The following ZNF235 variants were observed in gnomAD, a reference collection of about 807,000 sequenced individuals.
ZNF235 encodes zinc finger protein 235, also known as zfp-93.
In ZNF235, 25 loss-of-function variants were observed where a neutral mutation model predicts 29.4. The observed-to-expected ratio is 0.85, with a 90% confidence interval of 0.62 to 1.19. The LOEUF is 1.19. Among genes scored for constraint, ZNF235 ranks in the 50% most tolerant of loss-of-function variants. ZNF235 has a pLI of 0.00. For missense variants in ZNF235, 788 were observed against 885.0 expected (o/e 0.89, Z 1.39); for synonymous variants, 300 against 295.3 (o/e 1.02, Z -0.16).
At chr19:44,295,190 T>A (rs966997686) in intron 4 of ZNF235, among the ~76,000 whole-genome samples, 1 of 152,076 alleles carries the variant, frequency 6.6e-6, no homozygotes, top group African/African-American at 2.4e-5. Context: ...TACAAATCCC[T>A]AAAGACTCCT....
chr19:44,304,414 G>A (rs1975800221), intron 1 of ZNF235, among the ~76,000 whole-genome samples: 1 of 152,144 alleles, frequency 6.6e-6, no homozygotes, highest in Non-Finnish European at 1.5e-5. Flanking sequence ...CTAAACAAGA[G>A]GCTAGAAAAG....
In ZNF235 at chr19:44,287,390, G is replaced by A; in HGVS notation, c.2045C>T (p.Pro682Leu). The A allele has an allele frequency of 6.2e-7, 1 of 1,614,010 alleles. No individual in the cohort carries two copies. The highest frequency in any genetic ancestry group is 8.5e-7 in the Non-Finnish European group (1 of 1,179,992). ...CTTCCCACACTGCTGACACGTATAG[G>A]GTTTCTCTCCTGTGTGGACCCTCTG... ...AHQRVHTGEKPYTCQQCGKGF... is the reference protein window; with the variant it reads ...AHQRVHTGEKLYTCQQCGKGF... Residue 682 changes from proline (P) to leucine (L), a missense_variant, in exon 5 of 5, where the codon CCC (proline) becomes CTC (leucine). Pro to Leu is a moderately conservative substitution (Grantham distance 98). Transcript: ENST00000291182.
Position 44,287,769 on chromosome 19 carries a change from A to G in ZNF235, c.1666T>C (p.Leu556=), listed in dbSNP as rs1264073506. The part of the protein sequence containing the change: ...EVCGKRFNWS[L]NLHNHQRVHT... ...ACTCTCTGATGATTGTGAAGATTCA[A>G]GCTCCAATTGAAGCGCTTCCCACAC... is the stretch of plus-strand genomic sequence containing the variant. The change falls in exon 5 of 5, where the codon TTG becomes CTG. Residue 556 remains leucine (L), a synonymous_variant. Transcript: ENST00000291182. The G allele has an allele frequency of 1.9e-6, 3 of 1,613,922 alleles. No homozygotes were observed. The highest frequency in any genetic ancestry group is 2.5e-6 in the Non-Finnish European group (3 of 1,179,962).
rs1490798733 is a variant in ZNF235 at position 44,303,421 on chromosome 19, C to T, written c.-17G>A. On this transcript the variant is annotated 5_prime_UTR_variant, in exon 2 of 5. Coordinates refer to ENST00000291182, the MANE Select transcript of ZNF235 (RefSeq NM_004234.4). The stretch of plus-strand genomic sequence containing the variant: ...CTTGGTCATTTTTCCCCTCCTCCTT[C>T]TGGGAAAAGGCAGAGTTCCGGGGAA... 1 of 1,610,030 alleles carries T rather than the reference C, an allele frequency of 6.2e-7. No homozygotes were observed. The highest frequency in any genetic ancestry group is 1.3e-5 in the African/African-American group (1 of 74,722).
chr19:44,289,143 A>T lies in ZNF235; in HGVS notation c.292T>A (p.Phe98Ile). The part of the protein sequence containing the change: ...ATLHKAGLRC[F>I]SLGELSCWQI... ...CAGCATGAAAGCTCTCCCAGTGAAAAGCACCTTAATCCTGCTTTGTGAAGA... is the reference window on the plus strand; with the variant it reads ...CAGCATGAAAGCTCTCCCAGTGAAATGCACCTTAATCCTGCTTTGTGAAGA... Residue 98 changes from phenylalanine (F) to isoleucine (I), a missense_variant, in exon 5 of 5, where the codon TTT (phenylalanine) becomes ATT (isoleucine). Coordinates refer to ENST00000291182, the MANE Select transcript of ZNF235 (RefSeq NM_004234.4). 1 of 1,614,090 alleles carries T rather than the reference A, an allele frequency of 6.2e-7. No individual in the cohort carries two copies. Among genetic ancestry groups the T allele is most frequent in the Non-Finnish European group, 8.5e-7 (1 of 1,180,006 alleles).
chr19:44,295,348 C>CA (rs1243213892), intron 4 of ZNF235, among the ~76,000 whole-genome samples: 2 of 151,342 alleles, frequency 1.3e-5, no homozygotes, highest in African/African-American at 4.9e-5. Flanking sequence ...ATAGTATCTA[C>CA]AAAAAAATTA....
rs778429956 is a variant in ZNF235, at chr19:44,298,828, G to A, written c.218C>T (p.Thr73Ile). 1.2e-6 allele frequency: 2 copies of A among 1,613,866 alleles called. No homozygotes were observed. Among genetic ancestry groups the A allele is most frequent in the Non-Finnish European group, 1.7e-6 (2 of 1,179,758 alleles). The change falls in exon 4 of 5, where the codon ACC (threonine) becomes ATC (isoleucine). Residue 73 changes from threonine (T) to isoleucine (I), a missense_variant. Thr to Ile is a moderately conservative substitution (Grantham distance 89, BLOSUM62 -1). Transcript: ENST00000291182. ...EEKLWMKELQTQRGKHSGDRN... is the reference protein window; with the variant it reads ...EEKLWMKELQIQRGKHSGDRN... Reference sequence around the variant, plus strand: ...CTCACCTGAATGCTTACCTCTTTGGGTTTGAAGCTCCTTCATCCAAAGCTT... The same window carrying A: ...CTCACCTGAATGCTTACCTCTTTGGATTTGAAGCTCCTTCATCCAAAGCTT...
Position 44,287,705 on chromosome 19 carries a change from C to T in ZNF235, c.1730G>A (p.Gly577Asp). The change falls in exon 5 of 5, where the codon GGT (glycine) becomes GAT (aspartate). Residue 577 changes from glycine to aspartate, a missense_variant. Physicochemically the swap from Gly to Asp is moderately conservative, Grantham distance 94 (BLOSUM62 -1). Transcript: ENST00000291182. ...ATTTGAAGCCTGACTGAAACCCTTACCACACTCTTCACATTTGTAGGGTTT... is the reference window on the plus strand; with the variant it reads ...ATTTGAAGCCTGACTGAAACCCTTATCACACTCTTCACATTTGTAGGGTTT... ...GEKPYKCEEC[G>D]KGFSQASNLQ... is the part of the protein sequence containing the mutation. 3.7e-6 allele frequency: 6 copies of T among 1,614,138 alleles called. No homozygotes were observed. The highest frequency in any genetic ancestry group is 3.3e-4 in the Middle Eastern group (2 of 6,062).
At chr19:44,303,944 T>C (rs537470155) in intron 1 of ZNF235, among the ~76,000 whole-genome samples, 85 of 152,226 alleles carry the variant, frequency 5.6e-4, no homozygotes, top group Non-Finnish European at 1.1e-3. Flanking sequence ...AACTGCCCTT[T>C]TGAGTATGCT....
chr19:44,298,246 G>C (rs1319933921), intron 4 of ZNF235, among the ~76,000 whole-genome samples: 2 of 152,160 alleles, frequency 1.3e-5, no homozygotes, highest in South Asian at 4.1e-4. Flanking sequence ...GAGACAAAGG[G>C]AGGGGGAAAA....
At chr19:44,301,230 G>A (rs1366131880) in intron 2 of ZNF235, among the ~76,000 whole-genome samples, 1 of 152,040 alleles carries the variant, frequency 6.6e-6, no homozygotes, top group Non-Finnish European at 1.5e-5. Context: ...GTTTGTATAT[G>A]GTGTTTTTCT....
intron 4 of ZNF235, among the ~76,000 whole-genome samples, chr19:44,294,301 G>T (rs1021105549): frequency 2.6e-5 from 4 of 152,066 alleles, no homozygotes; most frequent in African/African-American, 9.7e-5. Flanking sequence ...AAATTCTAGA[G>T]AAAATGAATT....
intron 2 of ZNF235, among the ~76,000 whole-genome samples, chr19:44,303,016 T>TTA (rs1975773121): frequency 1.5e-5 from 2 of 131,102 alleles, no homozygotes; most frequent in African/African-American, 3.0e-5. Flanking sequence ...ACGTATATAT[T>TTA]TATATAAAAT....
In ZNF235 at chr19:44,287,812, T is replaced by G; in HGVS notation, c.1623A>C (p.Lys541Asn). 1 of 1,613,296 alleles carries G rather than the reference T, an allele frequency of 6.2e-7. No individual in the cohort carries two copies. The highest frequency in any genetic ancestry group is 1.1e-5 in the South Asian group (1 of 91,020). ...TCCCACACACTTCACATTTGTATGG[T>G]TTTTCTCCAGTGTGGACTCTCTGAT... ...QAHQRVHTGE[K>N]PYKCEVCGKR... Residue 541 changes from lysine (K) to asparagine (N), a missense_variant, in exon 5 of 5, where the codon AAA (lysine) becomes AAC (asparagine). Physicochemically the swap from Lys to Asn is moderately conservative, Grantham distance 94. Transcript: ENST00000291182.
At position 44,288,015 on chromosome 19, in the gene ZNF235, G is replaced by A. The variant is rs752318768; in HGVS notation, c.1420C>T (p.Leu474Phe). Residue 474 changes from leucine to phenylalanine, a missense_variant, in exon 5 of 5, where the codon CTT becomes TTT. Coordinates refer to ENST00000291182, the MANE Select transcript of ZNF235 (RefSeq NM_004234.4). ...GTGTGGACTCGTTGATGACTATGAA[G>A]ATTAAAGCTCAAACTAAAGCACTTA... is the stretch of plus-strand genomic sequence containing the variant. Reference protein sequence around the residue: ...CGKCFSLSFNLHSHQRVHTGE... With the variant: ...CGKCFSLSFNFHSHQRVHTGE... 2.5e-6 allele frequency: 4 copies of A among 1,614,024 alleles called. No individual in the cohort carries two copies. The highest frequency in any genetic ancestry group is 3.4e-6 in the Non-Finnish European group (4 of 1,180,006).
rs761275729 is a variant in ZNF235, at chr19:44,289,110, T to C, written c.325A>G (p.Lys109Glu). Residue 109 changes from lysine to glutamate, a missense_variant, in exon 5 of 5, where the codon AAG becomes GAG. Coordinates refer to ENST00000291182, the MANE Select transcript of ZNF235 (RefSeq NM_004234.4). Reference protein sequence around the residue: ...SLGELSCWQIKRHIASKLARS... With the variant: ...SLGELSCWQIERHIASKLARS... Reference sequence around the variant, plus strand: ...GCTAATTTGCTCGCAATGTGTCTCTTGATTTGCCAGCATGAAAGCTCTCCC... The same window carrying C: ...GCTAATTTGCTCGCAATGTGTCTCTCGATTTGCCAGCATGAAAGCTCTCCC... 13 of 1,614,144 alleles carry C rather than the reference T, an allele frequency of 8.1e-6. No homozygotes were observed. The South Asian group carries it at 1.3e-4, about 16-fold the overall frequency.
At chr19:44,295,063 G>A (rs117408032) in intron 4 of ZNF235, among the ~76,000 whole-genome samples, 95 of 152,038 alleles carry the variant, frequency 6.2e-4, no homozygotes, top group African/African-American at 2.0e-3. Flanking sequence ...CCTATTTCAC[G>A]TACCACTGGA....
chr19:44,289,439 G>A, intron 4 of ZNF235: 1 of 407,766 alleles, frequency 2.5e-6, no homozygotes, highest in Non-Finnish European at 4.3e-6. Flanking sequence ...GTGTATCTTG[G>A]GTCTTTTCTG....
intron 4 of ZNF235, among the ~76,000 whole-genome samples, chr19:44,292,540 G>A (rs1450964447): frequency 1.3e-5 from 2 of 150,764 alleles, no homozygotes; most frequent in African/African-American, 2.4e-5. Flanking sequence ...CTAGTCAGAC[G>A]AAAGTAAAGA....
Sources: gnomAD v4.1 joint callset for allele counts (sites outside exome capture counted in the v4.1 genomes callset) on GRCh38, gnomAD v4.1.1 for gene constraint, MANE v1.5 for transcripts, NCBI Gene and HGNC (gene_info 2026-07-23, HGNC 2026-07-21) for gene names.